The following CD81 variants were observed in gnomAD, a reference collection of about 807,000 sequenced individuals.
CD81 encodes CD81 antigen.
In CD81, 10 loss-of-function variants were observed where a neutral mutation model predicts 30.1. The observed-to-expected ratio is 0.33, with a 90% confidence interval of 0.21 to 0.56. The LOEUF is 0.56. Ranked by LOEUF, CD81 falls within the 20% of genes least tolerant of loss-of-function variation. CD81 has a pLI of 0.89. For synonymous variants in CD81, 147 were observed against 126.4 expected, an observed-to-expected ratio of 1.16 and a Z score of -1.10; for missense variants, 263 against 308.7, an observed-to-expected ratio of 0.85 and a Z score of 1.11.
chr11:2,387,969 G>T (rs970313539), intron 1 of CD81, among the ~76,000 whole-genome samples: 1 of 152,220 alleles, frequency 6.6e-6, no homozygotes, highest in Non-Finnish European at 1.5e-5. Flanking sequence ...AGGTGCTCTG[G>T]CAGTCCTGCT....
rs754882572 is a variant in CD81, at chr11:2,396,639, C to A, written c.573C>A (p.His191Gln). 3.7e-6 allele frequency: 6 copies of A among 1,611,400 alleles called. No homozygotes were observed. The highest frequency in any genetic ancestry group is 1.1e-5 in the South Asian group (1 of 91,086). The change falls in exon 7 of 8, where the codon CAC (histidine) becomes CAA (glutamine). Residue 191 changes from histidine to glutamine, a missense_variant. His to Gln is a conservative substitution (Grantham distance 24). Around this residue, in one of 3 missense-constraint regions of CD81, gnomAD observed 176 missense variants for 192.9 expected, o/e 0.91. Transcript: ENST00000263645. The part of the protein sequence containing the change: ...IISNLFKEDC[H>Q]QKIDDLFSGK... ...GGCCACCCCTGCAGGAGGACTGCCA[C>A]CAGAAGATCGATGACCTCTTCTCCG...
intron 1 of CD81, chr11:2,385,541 C>CTA: frequency 3.8e-6 from 1 of 263,246 alleles, no homozygotes; most frequent in South Asian, 3.8e-5. Flanking sequence ...TGCCCGTCGT[C>CTA]TGTGTGGCAT....
At chr11:2,389,737 G>C (rs1306575312) in intron 1 of CD81, among the ~76,000 whole-genome samples, 2 of 152,050 alleles carry the variant, frequency 1.3e-5, no homozygotes, top group African/African-American at 4.8e-5. Context: ...TCCCTTCCCA[G>C]GGCTGACATC....
chr11:2,383,279 AC>A (rs1235717353), intron 1 of CD81, among the ~76,000 whole-genome samples: 1 of 151,956 alleles, frequency 6.6e-6, no homozygotes, highest in African/African-American at 2.4e-5. Context: ...GCAGCTGCTC[AC>A]CACCTAGGAG....
chr11:2,388,345 C>A (rs1849833386), intron 1 of CD81, among the ~76,000 whole-genome samples: 1 of 152,096 alleles, frequency 6.6e-6, no homozygotes, highest in Non-Finnish European at 1.5e-5. Flanking sequence ...GGCCCTAGAC[C>A]CTAGACCGGC....
upstream of CD81, chr11:2,376,274 C>G (rs1849585027): frequency 6.6e-6 from 1 of 152,246 alleles, no homozygotes; most frequent in African/African-American, 2.4e-5. Context: ...AAGGTTCTAT[C>G]AGCTAGCACT....
At chr11:2,379,279 A>C (rs1173445291) in intron 1 of CD81, 3 of 389,640 alleles carry the variant, frequency 7.7e-6, no homozygotes, top group Non-Finnish European at 1.0e-5. Context: ...GAGGGTGTGG[A>C]CCTGGGGGCA....
intron 1 of CD81, among the ~76,000 whole-genome samples, chr11:2,380,455 A>G (rs768590733): frequency 6.6e-6 from 1 of 152,070 alleles, no homozygotes; most frequent in Non-Finnish European, 1.5e-5. Context: ...ACCTTCACAC[A>G]CACTCACACT....
Position 2,394,878 on chromosome 11 carries a change from TCA to T in CD81, c.280-91_280-90del, listed in dbSNP as rs1366921770. ...TGGGCTGGTGGCTCCCACTAGCCCC[TCA>T]CAGACACGCCTGCTGGGCACCTGGG... On this transcript the variant is annotated intron_variant, in intron 3 of 7. Transcript: ENST00000263645. 1.6e-5 allele frequency: 19 copies of T among 1,189,236 alleles called. No individual in the cohort carries two copies. The East Asian group carries it at 3.7e-4, about 23-fold the overall frequency. 73.7% of individuals were successfully genotyped at this position (1,189,236 alleles called of 1,614,324 possible).
At chr11:2,377,309 C>A (rs1280048954), upstream of CD81, 1 of 151,292 alleles carries the variant, frequency 6.6e-6, no homozygotes, top group African/African-American at 2.4e-5. This position sits in a 1 kb window ranked among gnomAD's most constrained non-coding sequence, Gnocchi z 7.7. Flanking sequence ...GGCGCGCGCC[C>A]GGCCAGAGAG....
At chr11:2,389,087 T>G (rs1468763384) in intron 1 of CD81, among the ~76,000 whole-genome samples, 1 of 152,066 alleles carries the variant, frequency 6.6e-6, no homozygotes, top group Non-Finnish European at 1.5e-5. Flanking sequence ...ACCCTGGAAC[T>G]GACCAATTGT....
intron 1 of CD81, chr11:2,384,592 G>C: frequency 6.0e-6 from 1 of 166,976 alleles, no homozygotes; most frequent in Admixed American, 6.5e-5. Context: ...TGGGAGGCGG[G>C]GCATCCTGGG....
intron 1 of CD81, chr11:2,385,925 G>C: frequency 1.5e-6 from 1 of 667,000 alleles, no homozygotes. Context: ...CCTGTGCGTG[G>C]AGCAGCTGGG....
intron 1 of CD81, among the ~76,000 whole-genome samples, chr11:2,387,940 TGTTTC>T (rs994892344): frequency 2.6e-5 from 4 of 152,206 alleles, no homozygotes; most frequent in Non-Finnish European, 5.9e-5. Context: ...CCCAGGTTGT[TGTTTC>T]GGGTGTGTGG....
intron 1 of CD81, among the ~76,000 whole-genome samples, chr11:2,387,374 T>C (rs910511423): frequency 6.6e-5 from 10 of 152,206 alleles, no homozygotes; most frequent in African/African-American, 2.4e-4. Context: ...CAAAACGGTC[T>C]CTGGACCACA....
intron 3 of CD81, among the ~76,000 whole-genome samples, chr11:2,394,445 C>A (rs1849960964): frequency 6.6e-6 from 1 of 152,254 alleles, no homozygotes. Flanking sequence ...CAAGCCTCAG[C>A]TCTGAGGCCA....
chr11:2,385,067 C>T (rs529260459), intron 1 of CD81, among the ~76,000 whole-genome samples: 5 of 152,236 alleles, frequency 3.3e-5, no homozygotes, highest in African/African-American at 1.2e-4. Flanking sequence ...CGCTGCTTGC[C>T]CCTGGGAAGC....
chr11:2,396,081 G>A (rs991489834), intron 6 of CD81, 111 bp downstream of exon 6: 67 of 712,892 alleles, frequency 9.4e-5, no homozygotes, highest in Non-Finnish European at 1.5e-4. Flanking sequence ...ACCACACTGG[G>A]TGGCATGGCC....
At chr11:2,392,939 T>G (rs1327653887) in intron 2 of CD81, 1 of 151,910 alleles carries the variant, frequency 6.6e-6, no homozygotes, top group Admixed American at 6.6e-5. Context: ...AACCCAGGAG[T>G]GTCAGGGCCT....
Sources: gnomAD v4.1 joint callset for allele counts (sites outside exome capture counted in the v4.1 genomes callset) on GRCh38, gnomAD v4.1.1 for gene constraint, gnomAD v4.1.1 regional missense constraint, Gnocchi (gnomAD v3.1) non-coding constraint, MANE v1.5 for transcripts, NCBI Gene and HGNC (gene_info 2026-07-23, HGNC 2026-07-21) for gene names.